The following TMCC1 variants were observed in gnomAD, a reference collection of about 807,000 sequenced individuals.
TMCC1 encodes the protein transmembrane and coiled-coil domains protein 1.
Under a neutral mutation model 52.4 loss-of-function variants are expected in TMCC1, and 15 were observed. That is an observed-to-expected ratio of 0.29 (90% CI 0.19 to 0.44). The LOEUF (loss-of-function observed/expected upper bound fraction) is 0.44. Ranked by LOEUF, TMCC1 falls within the 20% of genes least tolerant of loss-of-function variation. The pLI, the probability that TMCC1 is intolerant of heterozygous loss-of-function variation, is 1.00. For missense variants in TMCC1, 503 were observed against 806.0 expected (o/e 0.62, Z 4.55); for synonymous variants, 279 against 301.9 (o/e 0.92, Z 0.79).
intron 4 of TMCC1, among the ~76,000 whole-genome samples, chr3:129,786,623 T>C (rs1223764356): frequency 1.3e-5 from 2 of 152,222 alleles, no homozygotes; most frequent in Non-Finnish European, 1.5e-5. Context: ...TATATATTTA[T>C]TCACCATTAA....
chr3:129,853,829 A>C (rs2060023505), intron 2 of TMCC1, among the ~76,000 whole-genome samples: 1 of 152,158 alleles, frequency 6.6e-6, no homozygotes, highest in African/African-American at 2.4e-5. Flanking sequence ...GTCTTCCTTC[A>C]GTATTCCTTT....
chr3:129,793,122 A>G (rs1004333599), intron 4 of TMCC1, among the ~76,000 whole-genome samples: 1 of 152,094 alleles, frequency 6.6e-6, no homozygotes. Context: ...AAGAGCAACA[A>G]AAATGATTCT....
At chr3:129,755,523 A>C (rs1362293478) in intron 4 of TMCC1, among the ~76,000 whole-genome samples, 4 of 152,228 alleles carry the variant, frequency 2.6e-5, no homozygotes, top group African/African-American at 4.8e-5. Context: ...TCTAATCCAG[A>C]ATATGTAAAG....
chr3:129,821,798 C>T (rs2058437013), intron 4 of TMCC1, among the ~76,000 whole-genome samples: 1 of 152,176 alleles, frequency 6.6e-6, no homozygotes, highest in Non-Finnish European at 1.5e-5. Context: ...CATGCAGTGG[C>T]TCACACCTGT....
chr3:129,730,835 T>C (rs557765753), intron 4 of TMCC1, among the ~76,000 whole-genome samples: 18 of 152,302 alleles, frequency 1.2e-4, no homozygotes, highest in Middle Eastern at 3.4e-3. Context: ...TAAGATGAAA[T>C]AGATAAACTG....
At position 129,893,601 on chromosome 3, in the gene TMCC1, AC is replaced by A. The variant is rs1387208298; in HGVS notation, c.-543del. 205 of 114,596 alleles carry A rather than the reference AC, an allele frequency of 1.8e-3. 3 individuals carry two copies. Among genetic ancestry groups the A allele is most frequent in the South Asian group, 0.013 (46 of 3,488 alleles). 7.1% of individuals were successfully genotyped at this position (114,596 alleles called of 1,614,324 possible). A position where few individuals can be genotyped will look rare whatever the true frequency, so the allele number is the denominator to read the frequency against. ...CGCACCCGGTCCATCCCCCACAACCACCCCCCCCTCCCGACCCTCCCCCCGC... is the reference window on the plus strand; with the variant it reads ...CGCACCCGGTCCATCCCCCACAACCACCCCCCCTCCCGACCCTCCCCCCGC... On this transcript the variant is annotated 5_prime_UTR_variant, in exon 1 of 7. Transcript: ENST00000393238.
intron 4 of TMCC1, among the ~76,000 whole-genome samples, chr3:129,701,521 A>G (rs1051043344): frequency 2.0e-5 from 3 of 152,256 alleles, no homozygotes; most frequent in African/African-American, 4.8e-5. Flanking sequence ...AAAGAAGTTT[A>G]AAATCTTTTG....
intron 4 of TMCC1, among the ~76,000 whole-genome samples, chr3:129,770,183 A>C (rs1440996532): frequency 6.6e-6 from 1 of 152,160 alleles, no homozygotes. Context: ...ATTAAAGAGC[A>C]AAAAAATTCT....
At position 129,798,638 on chromosome 3, in the gene TMCC1, A is replaced by G. The variant is rs536767423; in HGVS notation, c.576+29165T>C. On this transcript the variant is annotated intron_variant, in intron 4 of 6. Transcript: ENST00000393238. ...CTGCTTTCAGCCTAAAGAAGTGCTCAGAATGTTTTCTACTAATGAAATGGA... is the reference window on the plus strand; with the variant it reads ...CTGCTTTCAGCCTAAAGAAGTGCTCGGAATGTTTTCTACTAATGAAATGGA... 3.9e-5 allele frequency among the ~76,000 whole-genome samples: 6 copies of G among 152,298 alleles called. No individual in the cohort carries two copies. In the South Asian group the frequency reaches 1.2e-3, roughly 32 times the overall value.
intron 4 of TMCC1, among the ~76,000 whole-genome samples, chr3:129,697,850 C>T (rs2047526593): frequency 6.6e-6 from 1 of 152,280 alleles, no homozygotes; most frequent in East Asian, 1.9e-4. Flanking sequence ...CCATCGCAGC[C>T]CGGACTTTAT....
chr3:129,705,150 G>GA (rs1280965743), intron 4 of TMCC1, among the ~76,000 whole-genome samples: 7 of 152,168 alleles, frequency 4.6e-5, no homozygotes, highest in African/African-American at 1.7e-4. Flanking sequence ...CAGGGTACTA[G>GA]AGGCATTATT....
chr3:129,784,036 G>A lies in TMCC1; in HGVS notation c.576+43767C>T, dbSNP rs117260660. Among the ~76,000 whole-genome samples the A allele has an allele frequency of 1.5e-3, 223 of 152,270 alleles. 4 individuals are homozygous for A. The East Asian group carries it at 0.039, about 27-fold the overall frequency. On this transcript the variant is annotated intron_variant, in intron 4 of 6. Coordinates refer to ENST00000393238, the MANE Select transcript of TMCC1 (RefSeq NM_001017395.5). The stretch of plus-strand genomic sequence containing the variant: ...TCAAACATGGTATCACTCTGCAGTA[G>A]AATGAAAACTGGATTAGACGTAGCC...
At chr3:129,764,220 G>A (rs954517791) in intron 4 of TMCC1, among the ~76,000 whole-genome samples, 1 of 152,116 alleles carries the variant, frequency 6.6e-6, no homozygotes, top group Non-Finnish European at 1.5e-5. Flanking sequence ...TACATAGAAG[G>A]ACAGCAGCAT....
intron 4 of TMCC1, among the ~76,000 whole-genome samples, chr3:129,783,612 T>C (rs192331462): frequency 9.9e-4 from 151 of 152,338 alleles, no homozygotes; most frequent in African/African-American, 3.4e-3. Context: ...TATTTGATAG[T>C]TGCAAAATGT....
chr3:129,715,538 TCAAACAAACAAA>T (rs375839955), intron 4 of TMCC1, among the ~76,000 whole-genome samples: 1 of 152,162 alleles, frequency 6.6e-6, no homozygotes, highest in African/African-American at 2.4e-5. Context: ...AGACTCCATC[TCAAACAAACAAA>T]CAAACAAACA....
At chr3:129,800,766 C>G (rs550730607) in intron 4 of TMCC1, among the ~76,000 whole-genome samples, 2 of 152,140 alleles carry the variant, frequency 1.3e-5, no homozygotes, top group Non-Finnish European at 2.9e-5. Context: ...TCTAAATATA[C>G]AACCATTCAT....
chr3:129,871,878 A>T (rs985554784), intron 2 of TMCC1, among the ~76,000 whole-genome samples: 1 of 152,258 alleles, frequency 6.6e-6, no homozygotes, highest in African/African-American at 2.4e-5. Flanking sequence ...CATGCATGAG[A>T]GCAATGCAAA....
intron 2 of TMCC1, among the ~76,000 whole-genome samples, chr3:129,853,018 A>G (rs2107907119): frequency 6.6e-6 from 1 of 152,322 alleles, no homozygotes; most frequent in Non-Finnish European, 1.5e-5. Flanking sequence ...AACACACAAG[A>G]AACATGGGCA....
At chr3:129,790,811 A>G (rs139650167) in intron 4 of TMCC1, among the ~76,000 whole-genome samples, 158 of 152,360 alleles carry the variant, frequency 1.0e-3, no homozygotes, top group African/African-American at 3.4e-3. Flanking sequence ...TTCAACTTAC[A>G]TCTAATTATT....
Sources: allele counts gnomAD v4.1 joint callset (sites outside exome capture counted in the v4.1 genomes callset), GRCh38; gene constraint gnomAD v4.1.1; transcripts MANE v1.5; gene names NCBI Gene and HGNC (gene_info 2026-07-23, HGNC 2026-07-21).